DIXDC1: variants seen among roughly 807,000 people sequenced by gnomAD.
DIXDC1 encodes the protein dixin.
Under a neutral mutation model 103.1 loss-of-function variants are expected in DIXDC1, and 64 were observed. The ratio of observed to expected loss-of-function variants is 0.62; its 90% confidence interval spans 0.51 to 0.76. DIXDC1 has a LOEUF of 0.76. Among genes scored for constraint, DIXDC1 ranks in the 30% least tolerant of loss-of-function variants. DIXDC1 has a pLI of 0.00. For missense variants in DIXDC1, 759 were observed against 834.2 expected (o/e 0.91, Z 1.11); for synonymous variants, 266 against 298.5 (o/e 0.89, Z 1.12).
chr11:111,987,302 G>A (rs1860526130), intron 9 of DIXDC1, among the ~76,000 whole-genome samples: 1 of 151,912 alleles, frequency 6.6e-6, no homozygotes. Context: ...GAGGGAAAGG[G>A]ATTTCAGAAT....
Position 111,977,199 on chromosome 11 carries a change from A to G in DIXDC1, c.656+2216A>G. 1 of 968,768 alleles carries G rather than the reference A, an allele frequency of 1.0e-6. No individual in the cohort carries two copies. Among genetic ancestry groups the G allele is most frequent in the African/African-American group, 1.8e-5 (1 of 56,772 alleles). The allele number at this position is 968,768 out of a possible 1,614,324, so 60.0% of individuals were successfully genotyped here. On this transcript the variant is annotated intron_variant, in intron 5 of 19. Transcript: ENST00000440460. This position sits in a 1 kb window ranked among gnomAD's most constrained non-coding sequence, Gnocchi z 6.1. ...GCCCCGCCCCTGGCCCGCACCCTCA[A>G]CCTCCGTCCAGAGCGGTCGGTTGGC...
chr11:111,950,434 ATATATTTTTTTTTTTTTTTT>A (rs1458507725), intron 1 of DIXDC1, among the ~76,000 whole-genome samples: 17 of 21,568 alleles, frequency 7.9e-4, no homozygotes, highest in African/African-American at 4.5e-3. Context: ...ATATATATAT[ATATATTTTTTTTTTTTTTTT>A]TTTTTTTTTT....
chr11:112,004,178 T>C (rs995271789), intron 17 of DIXDC1, among the ~76,000 whole-genome samples: 1 of 151,688 alleles, frequency 6.6e-6, no homozygotes, highest in Non-Finnish European at 1.5e-5. Flanking sequence ...AGAACTGATA[T>C]GTATCAATTT....
intron 17 of DIXDC1, among the ~76,000 whole-genome samples, chr11:112,005,261 G>T (rs1254110161): frequency 5.3e-5 from 8 of 152,000 alleles, no homozygotes; most frequent in African/African-American, 1.7e-4. Context: ...AAGGAAGTGT[G>T]GTTATATTAG....
chr11:111,938,625 A>G (rs1437530428), intron 1 of DIXDC1, among the ~76,000 whole-genome samples: 5 of 152,100 alleles, frequency 3.3e-5, no homozygotes, highest in African/African-American at 9.7e-5. Context: ...AACCATTCTC[A>G]TGAATTCGTG....
intron 10 of DIXDC1, 123 bp downstream of exon 10, chr11:111,989,178 A>G (rs1012651109): frequency 7.7e-5 from 57 of 736,202 alleles, no homozygotes; most frequent in Non-Finnish European, 1.1e-4. Context: ...TGGTAAAGAA[A>G]GGGCTTTGTG....
At chr11:111,946,641 A>G in intron 1 of DIXDC1, 1 of 250,288 alleles carries the variant, frequency 4.0e-6, no homozygotes, top group African/African-American at 2.2e-5. Flanking sequence ...AATTACAGGC[A>G]TGAGCCACTG....
At chr11:111,957,275 TC>T (rs1226695052) in intron 1 of DIXDC1, among the ~76,000 whole-genome samples, 1 of 152,158 alleles carries the variant, frequency 6.6e-6, no homozygotes, top group Non-Finnish European at 1.5e-5. Flanking sequence ...TAGAAAATCA[TC>T]ATTTGGGAAC....
chr11:111,941,004 C>A (rs1430846698), intron 1 of DIXDC1, among the ~76,000 whole-genome samples: 1 of 152,166 alleles, frequency 6.6e-6, no homozygotes, highest in Non-Finnish European at 1.5e-5. Context: ...CGTTTCAGCT[C>A]CCTGAGAAGC....
At chr11:111,997,407 T>C (rs1860937083) in intron 17 of DIXDC1, among the ~76,000 whole-genome samples, 1 of 152,028 alleles carries the variant, frequency 6.6e-6, no homozygotes, top group Non-Finnish European at 1.5e-5. Flanking sequence ...GCAATCTCTG[T>C]TCACTGCAAC....
At chr11:112,006,169 A>G (rs1246609108) in intron 17 of DIXDC1, among the ~76,000 whole-genome samples, 2 of 152,020 alleles carry the variant, frequency 1.3e-5, no homozygotes, top group African/African-American at 4.8e-5. Context: ...ACACCCACAG[A>G]GCCTTGCTCA....
At chr11:112,011,238 T>A (rs1252851560) in intron 17 of DIXDC1, among the ~76,000 whole-genome samples, 1 of 152,090 alleles carries the variant, frequency 6.6e-6, no homozygotes, top group African/African-American at 2.4e-5. Context: ...GAAATGCAAA[T>A]CAGAACCACA....
At chr11:111,974,301 CT>C (rs1229407821) in intron 4 of DIXDC1, 47 bp downstream of exon 4, 3 of 1,538,376 alleles carry the variant, frequency 2.0e-6, no homozygotes. Context: ...CTCTCTGATA[CT>C]TCTTCTGTTA....
chr11:111,955,339 CAAAAAAAAAA>C (rs869169346), intron 1 of DIXDC1, among the ~76,000 whole-genome samples: 1 of 49,832 alleles, frequency 2.0e-5, no homozygotes, highest in South Asian at 6.9e-4. Flanking sequence ...GAGACCCTGT[CAAAAAAAAAA>C]AAAAAAAAAG....
intron 3 of DIXDC1, among the ~76,000 whole-genome samples, chr11:111,969,821 A>C (rs1859855173): frequency 6.6e-6 from 1 of 152,168 alleles, no homozygotes; most frequent in South Asian, 2.1e-4. Context: ...GTATCAAAGA[A>C]TCCTTCACCA....
chr11:111,935,686 T>C (rs1966166781), upstream of DIXDC1, among the ~76,000 whole-genome samples: 1 of 152,224 alleles, frequency 6.6e-6, no homozygotes, highest in African/African-American at 2.4e-5. Context: ...TCCGGGGGTG[T>C]TACACCACGA....
At chr11:112,011,183 G>T (rs2137631766) in intron 17 of DIXDC1, among the ~76,000 whole-genome samples, 1 of 152,310 alleles carries the variant, frequency 6.6e-6, no homozygotes, top group South Asian at 2.1e-4. Context: ...CATTTCTGCA[G>T]CCAACAGACA....
intron 1 of DIXDC1, among the ~76,000 whole-genome samples, chr11:111,952,008 A>G (rs782681264): frequency 2.6e-5 from 4 of 152,080 alleles, no homozygotes; most frequent in African/African-American, 9.6e-5. Context: ...TGGGATTACA[A>G]GTGTGTGCCA....
chr11:111,963,248 A>G (rs1859633539), intron 1 of DIXDC1, among the ~76,000 whole-genome samples: 1 of 152,176 alleles, frequency 6.6e-6, no homozygotes, highest in Non-Finnish European at 1.5e-5. Context: ...TACCTTCACT[A>G]ATTAAAACAT....
Sources: gnomAD v4.1 joint callset for allele counts (sites outside exome capture counted in the v4.1 genomes callset) on GRCh38, gnomAD v4.1.1 for gene constraint, Gnocchi (gnomAD v3.1) non-coding constraint, MANE v1.5 for transcripts, NCBI Gene and HGNC (gene_info 2026-07-23, HGNC 2026-07-21) for gene names.